The following STK25 variants were observed in gnomAD, a reference collection of about 807,000 sequenced individuals.
The protein encoded by STK25 is serine/threonine-protein kinase 25.
A neutral mutation model predicts 53.8 loss-of-function variants in STK25; 29 were observed. The observed-to-expected ratio is 0.54, with a 90% confidence interval of 0.40 to 0.74. STK25 has a LOEUF of 0.74. Among genes scored for constraint, STK25 ranks in the 30% least tolerant of loss-of-function variants. The pLI is 0.00. For synonymous variants in STK25, 247 were observed against 238.3 expected, an observed-to-expected ratio of 1.04 and a Z score of -0.33; for missense variants, 420 against 568.0, an observed-to-expected ratio of 0.74 and a Z score of 2.65.
Position 241,508,110 on chromosome 2 carries a change from T to A in STK25, c.-75A>T. On this transcript the variant is annotated 5_prime_UTR_variant, in exon 2 of 12. Coordinates refer to ENST00000316586, the MANE Select transcript of STK25 (RefSeq NM_001271977.2). ...TCCCGCGGAGAGGCGCGGAGCCGGC[T>A]AGCTCGCCCCTGCGGCGTCAGTCCA... is the stretch of plus-strand genomic sequence containing the variant. The A allele has an allele frequency of 6.5e-7, 1 of 1,542,008 alleles. No individual in the cohort carries two copies.
chr2:241,509,129 G>T (rs1404719858), upstream of STK25: 1 of 152,386 alleles, frequency 6.6e-6, no homozygotes, highest in Non-Finnish European at 1.5e-5. Flanking sequence ...GGGATCACGC[G>T]CACAGGCCAG....
chr2:241,492,690 T>G lies in STK25; in HGVS notation c.*2972A>C. The G allele has an allele frequency of 2.1e-6, 1 of 465,950 alleles. No homozygotes were observed. The allele number at this position is 465,950 out of a possible 1,614,324, so 28.9% of individuals were successfully genotyped here. On this transcript the variant is annotated 3_prime_UTR_variant, in exon 12 of 12. Coordinates refer to ENST00000316586, the MANE Select transcript of STK25 (RefSeq NM_001271977.2). ...GATGGTTGGTTACTGAACACTGACT[T>G]TATTGTGCACAGGGAAAGGGAACTC... is the stretch of plus-strand genomic sequence containing the variant.
chr2:241,505,081 TA>T (rs1172036350), intron 2 of STK25, among the ~76,000 whole-genome samples: 1 of 110,886 alleles, frequency 9.0e-6, no homozygotes, highest in Non-Finnish European at 1.9e-5. Flanking sequence ...CATGCCCCGT[TA>T]ATTTTTTTTT....
Position 241,495,541 on chromosome 2 carries a change from G to T in STK25, c.*121C>A. 1 of 1,072,150 alleles carries T rather than the reference G, an allele frequency of 9.3e-7. No homozygotes were observed. Among genetic ancestry groups the T allele is most frequent in the Admixed American group, 1.8e-5 (1 of 55,830 alleles). The allele number at this position is 1,072,150 out of a possible 1,614,324, so 66.4% of individuals were successfully genotyped here. A position where few individuals can be genotyped will look rare whatever the true frequency, so the allele number is the denominator to read the frequency against. ...GTGACCTGGCATGTGAGGCCCACGGGATCCGACGTGTCCCTGCAGGCACGA... is the reference window on the plus strand; with the variant it reads ...GTGACCTGGCATGTGAGGCCCACGGTATCCGACGTGTCCCTGCAGGCACGA... On this transcript the variant is annotated 3_prime_UTR_variant, in exon 12 of 12. Coordinates refer to ENST00000316586, the MANE Select transcript of STK25 (RefSeq NM_001271977.2).
Position 241,496,683 on chromosome 2 carries a change from G to A in STK25, c.1105-149C>T, listed in dbSNP as rs2065182887. The A allele has an allele frequency of 8.3e-6, 7 of 847,476 alleles. No individual in the cohort carries two copies. Among genetic ancestry groups the A allele is most frequent in the Non-Finnish European group, 1.2e-5 (7 of 564,344 alleles). The allele number at this position is 847,476 out of a possible 1,614,324, so 52.5% of individuals were successfully genotyped here. ...AGCCCTTCAGCAAGCCGGGAAGTGA[G>A]GTGGCCCAAGGAAGCCTCTGCCCCT... On this transcript the variant is annotated intron_variant, in intron 10 of 11. Coordinates refer to ENST00000316586, the MANE Select transcript of STK25 (RefSeq NM_001271977.2). This position sits in a 1 kb window ranked among gnomAD's most constrained non-coding sequence, Gnocchi z 5.8.
intron 4 of STK25, 65 bp downstream of exon 4, chr2:241,500,675 A>C: frequency 1.3e-6 from 2 of 1,529,668 alleles, no homozygotes; most frequent in Non-Finnish European, 1.8e-6. Flanking sequence ...CCTGGAGCCC[A>C]TGAGTCTGAG....
rs1303180112 is a variant in STK25 at position 241,501,726 on chromosome 2, G to A, written c.31-18C>T. ...CGAGAGTGCTGTGGGGCCAGGGCGGGGACAGAGGGCAGACAGCGCCGGTCA... is the reference window on the plus strand; with the variant it reads ...CGAGAGTGCTGTGGGGCCAGGGCGGAGACAGAGGGCAGACAGCGCCGGTCA... On this transcript the variant is annotated intron_variant, in intron 2 of 11. Coordinates refer to ENST00000316586, the MANE Select transcript of STK25 (RefSeq NM_001271977.2). This position sits in a 1 kb window ranked among gnomAD's most constrained non-coding sequence, Gnocchi z 5.3. 9 of 1,599,018 alleles carry A rather than the reference G, an allele frequency of 5.6e-6. No individual in the cohort carries two copies. The highest frequency in any genetic ancestry group is 3.3e-5 in the Admixed American group (2 of 59,930).
intron 2 of STK25, among the ~76,000 whole-genome samples, chr2:241,506,300 G>C (rs1355534289): frequency 6.6e-6 from 1 of 152,176 alleles, no homozygotes; most frequent in East Asian, 1.9e-4. Flanking sequence ...GGGACAAAGG[G>C]ATCCCTAAAA....
chr2:241,504,217 C>G lies in STK25; in HGVS notation c.31-2509G>C, dbSNP rs35543245. 624 of 445,188 alleles carry G rather than the reference C, an allele frequency of 1.4e-3. 1 individual carries two copies. Among genetic ancestry groups the G allele is most frequent in the Admixed American group, 3.1e-3 (127 of 40,504 alleles). The allele number at this position is 445,188 out of a possible 1,614,324, so 27.6% of individuals were successfully genotyped here. On this transcript the variant is annotated intron_variant, in intron 2 of 11. Coordinates refer to ENST00000316586, the MANE Select transcript of STK25 (RefSeq NM_001271977.2). ...CCATGCAGCAGCTAGAGCAGGCCAGCTGCAGTGTACACACAGACCCTTGCT... is the reference window on the plus strand; with the variant it reads ...CCATGCAGCAGCTAGAGCAGGCCAGGTGCAGTGTACACACAGACCCTTGCT...
chr2:241,501,561 T>C lies in STK25; in HGVS notation c.178A>G (p.Ile60Val), dbSNP rs766308354. ...IIDLEEAEDE[I>V]EDIQQEITVL... Reference sequence around the variant, plus strand: ...GTGATCTCCTGCTGGATGTCCTCGATCTCATCCTCGGCCTCCTCCAGGTCG... The same window carrying C: ...GTGATCTCCTGCTGGATGTCCTCGACCTCATCCTCGGCCTCCTCCAGGTCG... Residue 60 changes from isoleucine to valine, a missense_variant, in exon 3 of 12, where the codon ATC becomes GTC. Ile to Val is a conservative substitution (Grantham distance 29). Coordinates refer to ENST00000316586, the MANE Select transcript of STK25 (RefSeq NM_001271977.2). This position sits in a 1 kb window ranked among gnomAD's most constrained non-coding sequence, Gnocchi z 5.3. 2.5e-6 allele frequency: 4 copies of C among 1,614,124 alleles called. No homozygotes were observed. Among genetic ancestry groups the C allele is most frequent in the Non-Finnish European group, 2.5e-6 (3 of 1,180,036 alleles).
chr2:241,503,811 C>A (rs991453362), intron 2 of STK25, among the ~76,000 whole-genome samples: 1 of 152,012 alleles, frequency 6.6e-6, no homozygotes, highest in Non-Finnish European at 1.5e-5. Context: ...CCTGCGGAGA[C>A]CGTGCCCACC....
Position 241,493,327 on chromosome 2 carries a change from G to A in STK25, c.*2335C>T, listed in dbSNP as rs997359952. 8.7e-6 allele frequency: 14 copies of A among 1,613,848 alleles called. No homozygotes were observed. The South Asian group carries it at 1.4e-4, about 16-fold the overall frequency. On this transcript the variant is annotated 3_prime_UTR_variant, in exon 12 of 12. Transcript: ENST00000316586. ...CCACTGGCCAGCCTCCCGCTGCTGG[G>A]CTACAGCGTGAGCATCCCCAGGGAG...
rs958148449 is a variant in STK25 at position 241,493,353 on chromosome 2, G to A, written c.*2309C>T. The A allele has an allele frequency of 6.2e-7, 1 of 1,613,888 alleles. No individual in the cohort carries two copies. The highest frequency in any genetic ancestry group is 1.3e-5 in the African/African-American group (1 of 74,930). ...CTACAGCGTGAGCATCCCCAGGGAG[G>A]CCGATGGCATACACAAAGACTATGT... On this transcript the variant is annotated 3_prime_UTR_variant, in exon 12 of 12. Transcript: ENST00000316586.
intron 2 of STK25, among the ~76,000 whole-genome samples, chr2:241,505,808 C>A (rs1177366896): frequency 1.3e-5 from 2 of 152,208 alleles, no homozygotes; most frequent in East Asian, 1.9e-4. Flanking sequence ...CATCCCCACC[C>A]CCACCTGGAG....
At chr2:241,495,766 T>C in intron 11 of STK25, 65 bp from the exon 12 acceptor site, 1 of 1,586,400 alleles carries the variant, frequency 6.3e-7, no homozygotes, top group Non-Finnish European at 8.6e-7. Context: ...GACGGCCTCT[T>C]GGGTGTGCAG....
At position 241,501,434 on chromosome 2, in the gene STK25, C is replaced by T. The variant is rs370702495; in HGVS notation, c.261+44G>A. ...CAGTCCCTCTGACATGGAAGAGAGC[C>T]GGGCACAGCACCAGCAGGGTCCCCG... On this transcript the variant is annotated intron_variant, in intron 3 of 11. Coordinates refer to ENST00000316586, the MANE Select transcript of STK25 (RefSeq NM_001271977.2). The surrounding 1 kb of genome is among the most constrained non-coding windows in gnomAD (Gnocchi z 5.3). 97 of 1,576,652 alleles carry T rather than the reference C, an allele frequency of 6.2e-5. No individual in the cohort carries two copies. Among genetic ancestry groups the T allele is most frequent in the African/African-American group, 3.4e-4 (25 of 74,044 alleles).
chr2:241,501,463 C>T lies in STK25; in HGVS notation c.261+15G>A, dbSNP rs756074098. Reference sequence around the variant, plus strand: ...CACAGCACCAGCAGGGTCCCCGCCTCCCCACAACAGGCACCTTTAGGTAGG... The same window carrying T: ...CACAGCACCAGCAGGGTCCCCGCCTTCCCACAACAGGCACCTTTAGGTAGG... On this transcript the variant is annotated intron_variant, in intron 3 of 11. Coordinates refer to ENST00000316586, the MANE Select transcript of STK25 (RefSeq NM_001271977.2). The surrounding 1 kb of genome is among the most constrained non-coding windows in gnomAD (Gnocchi z 5.3). The T allele has an allele frequency of 6.2e-6, 10 of 1,612,258 alleles. No individual in the cohort carries two copies. Among genetic ancestry groups the T allele is most frequent in the Non-Finnish European group, 7.6e-6 (9 of 1,179,014 alleles).
intron 3 of STK25, 145 bp from the exon 4 acceptor site, chr2:241,500,941 C>T (rs1233462616): frequency 1.8e-5 from 13 of 719,956 alleles, no homozygotes; most frequent in South Asian, 1.3e-4. Context: ...AGGGCTCTCT[C>T]GGCCTTGCCC....
rs777647910 is a variant in STK25 at position 241,493,007 on chromosome 2, TTC to T, written c.*2653_*2654del. On this transcript the variant is annotated 3_prime_UTR_variant, in exon 12 of 12. Coordinates refer to ENST00000316586, the MANE Select transcript of STK25 (RefSeq NM_001271977.2). ...GAAGCTCTGGGTCGTCTTTACCAACTTCTGTTTGTTCTTCTACAAAACTCATC... is the reference window on the plus strand; with the variant it reads ...GAAGCTCTGGGTCGTCTTTACCAACTTGTTTGTTCTTCTACAAAACTCATC... 2.2e-5 allele frequency: 35 copies of T among 1,607,214 alleles called. No homozygotes were observed. Among genetic ancestry groups the T allele is most frequent in the Non-Finnish European group, 2.6e-5 (31 of 1,173,712 alleles).
Sources: allele counts gnomAD v4.1 joint callset (sites outside exome capture counted in the v4.1 genomes callset), GRCh38; gene constraint gnomAD v4.1.1; non-coding constraint Gnocchi (gnomAD v3.1); transcripts MANE v1.5; gene names NCBI Gene and HGNC (gene_info 2026-07-23, HGNC 2026-07-21).